Variants in SVOPL observed in about 807,000 individuals in gnomAD.
SVOPL encodes SVOP like, also known as putative transporter SVOPL.
A neutral mutation model predicts 61.0 loss-of-function variants in SVOPL; 60 were observed. That is an observed-to-expected ratio of 0.98 (90% CI 0.80 to 1.22). The LOEUF (loss-of-function observed/expected upper bound fraction) is 1.22. Among genes scored for constraint, SVOPL ranks in the 50% most tolerant of loss-of-function variants. The pLI is 0.00. For missense variants in SVOPL, 662 were observed against 643.9 expected (o/e 1.03, Z -0.30); for synonymous variants, 279 against 250.0 (o/e 1.12, Z -1.09).
At chr7:138,613,883 C>T (rs1407331928) in intron 14 of SVOPL, among the ~76,000 whole-genome samples, 1 of 152,118 alleles carries the variant, frequency 6.6e-6, no homozygotes, top group Non-Finnish European at 1.5e-5. Flanking sequence ...CTAATTTCAA[C>T]AATGTGACAT....
chr7:138,685,721 G>A (rs1039179976), intron 1 of SVOPL, among the ~76,000 whole-genome samples: 4 of 151,882 alleles, frequency 2.6e-5, no homozygotes, highest in East Asian at 1.9e-4. Context: ...TTAGCCAGGC[G>A]TGGTGGCGGG....
intron 1 of SVOPL, among the ~76,000 whole-genome samples, chr7:138,693,564 A>AGAAAAAAG (rs1554477082): frequency 0.015 from 1,380 of 91,288 alleles, 34 homozygotes; most frequent in African/African-American, 0.065. Flanking sequence ...AAAGAAAGAA[A>AGAAAAAAG]GAAAGAAAGA....
At chr7:138,660,060 G>A in intron 5 of SVOPL, 72 bp from the exon 6 acceptor site, 1 of 1,528,794 alleles carries the variant, frequency 6.5e-7, no homozygotes, top group Middle Eastern at 1.7e-4. Flanking sequence ...AACTTCTGAA[G>A]GCGATTTTCG....
intron 14 of SVOPL, among the ~76,000 whole-genome samples, chr7:138,620,762 C>T (rs539961254): frequency 1.6e-4 from 25 of 152,278 alleles, no homozygotes; most frequent in Admixed American, 1.2e-3. Flanking sequence ...CCAAGCTTCT[C>T]GTGTTAACCA....
chr7:138,617,722 G>C (rs1233599713), intron 14 of SVOPL, among the ~76,000 whole-genome samples: 1 of 152,148 alleles, frequency 6.6e-6, no homozygotes, highest in African/African-American at 2.4e-5. Flanking sequence ...TGTAGTCCCA[G>C]CTACTTGTGG....
At chr7:138,632,951 A>G (rs916213669) in intron 9 of SVOPL, among the ~76,000 whole-genome samples, 1 of 152,136 alleles carries the variant, frequency 6.6e-6, no homozygotes, top group African/African-American at 2.4e-5. Flanking sequence ...TGTTTACACT[A>G]TTGACAATCA....
rs1176416558 is a variant in SVOPL at position 138,682,975 on chromosome 7, AAAAAAAAG to A, written c.-34-3904_-34-3897del. 1.5e-3 allele frequency among the ~76,000 whole-genome samples: 225 copies of A among 151,330 alleles called. 1 individual carries two copies. Among genetic ancestry groups the A allele is most frequent in the African/African-American group, 5.2e-3 (214 of 41,166 alleles). On this transcript the variant is annotated intron_variant, in intron 1 of 15. Transcript: ENST00000674285. The stretch of plus-strand genomic sequence containing the variant: ...AAGAGCAAAACTCCATCTCAAAAAA[AAAAAAAAG>A]AAAAAAAAAAGAAAAACAGCAATGT...
chr7:138,658,879 C>T (rs1801872227), intron 6 of SVOPL, among the ~76,000 whole-genome samples: 1 of 151,474 alleles, frequency 6.6e-6, no homozygotes, highest in Non-Finnish European at 1.5e-5. Flanking sequence ...CCCCCCCGCC[C>T]CAACCCCAAC....
At chr7:138,626,108 T>A in intron 12 of SVOPL, 58 bp from the exon 13 acceptor site, 1 of 1,512,126 alleles carries the variant, frequency 6.6e-7, no homozygotes, top group Non-Finnish European at 9.1e-7. Context: ...CCACCTCCAG[T>A]GGCCCAGCTT....
intron 9 of SVOPL, among the ~76,000 whole-genome samples, chr7:138,636,983 C>T (rs544322199): frequency 6.6e-6 from 1 of 152,152 alleles, no homozygotes; most frequent in South Asian, 2.1e-4. Flanking sequence ...TCATATCATA[C>T]CAATAACAGA....
chr7:138,667,700 T>A (rs1369372002), intron 4 of SVOPL, among the ~76,000 whole-genome samples: 1 of 152,200 alleles, frequency 6.6e-6, no homozygotes, highest in Non-Finnish European at 1.5e-5. Flanking sequence ...CGGAAACCTC[T>A]GCTTCAAGCC....
chr7:138,619,203 T>C (rs945798878), intron 14 of SVOPL, among the ~76,000 whole-genome samples: 1 of 151,958 alleles, frequency 6.6e-6, no homozygotes, highest in Middle Eastern at 3.4e-3. Context: ...AACCCAGAAG[T>C]TGGAGGCCAG....
intron 14 of SVOPL, among the ~76,000 whole-genome samples, chr7:138,606,949 G>T (rs1035650950): frequency 8.7e-5 from 13 of 149,800 alleles, no homozygotes; most frequent in African/African-American, 3.2e-4. Context: ...GCTAGACTCT[G>T]TCTCAAGAAA....
At position 138,594,363 on chromosome 7, in the gene SVOPL, C is replaced by T; in HGVS notation, c.*247G>A. 1 of 297,292 alleles carries T rather than the reference C, an allele frequency of 3.4e-6. No homozygotes were observed. Among genetic ancestry groups the T allele is most frequent in the Non-Finnish European group, 6.2e-6 (1 of 162,394 alleles). The allele number at this position is 297,292 out of a possible 1,614,324, so 18.4% of individuals were successfully genotyped here. A position where few individuals can be genotyped will look rare whatever the true frequency, so the allele number is the denominator to read the frequency against. ...TGAAGAAAAGCCATCTTCCCCCCCA[C>T]CATCTCCCTCTCACACCCCTTTGAA... is the stretch of plus-strand genomic sequence containing the variant. On this transcript the variant is annotated 3_prime_UTR_variant, in exon 16 of 16. Coordinates refer to ENST00000674285, the MANE Select transcript of SVOPL (RefSeq NM_001139456.2).
intron 13 of SVOPL, among the ~76,000 whole-genome samples, chr7:138,622,142 C>G (rs1209878885): frequency 3.5e-4 from 27 of 77,036 alleles, no homozygotes; most frequent in South Asian, 8.1e-4. Context: ...ATCTATGTAT[C>G]TATCTATGTA....
rs1003279082 is a variant in SVOPL, at chr7:138,628,243, C to G, written c.984G>C (p.Gly328=). The change falls in exon 11 of 16, where the codon GGG becomes GGC. Residue 328 remains glycine, a synonymous_variant. Coordinates refer to ENST00000674285, the MANE Select transcript of SVOPL (RefSeq NM_001139456.2). ...GGCAGTAGCAGGGGCTCTGGCTCTCCCCTGAGTCCCCCCCAGTCACCACCA... is the reference window on the plus strand; with the variant it reads ...GGCAGTAGCAGGGGCTCTGGCTCTCGCCTGAGTCCCCCCCAGTCACCACCA... ...SAVVVTGGDS[G]ESQSPCYCHM... 21 of 1,614,092 alleles carry G rather than the reference C, an allele frequency of 1.3e-5. No individual in the cohort carries two copies. Among genetic ancestry groups the G allele is most frequent in the Non-Finnish European group, 1.7e-5 (20 of 1,180,054 alleles).
chr7:138,676,463 G>A (rs1034075414), intron 3 of SVOPL, among the ~76,000 whole-genome samples: 8 of 152,148 alleles, frequency 5.3e-5, no homozygotes, highest in Admixed American at 1.3e-4. Flanking sequence ...TGCGCTCACA[G>A]GGTGGAAAGG....
intron 13 of SVOPL, among the ~76,000 whole-genome samples, chr7:138,622,290 C>CTATCTATGTATG (rs1799699629): frequency 1.0e-4 from 11 of 106,654 alleles, no homozygotes; most frequent in African/African-American, 3.3e-4. Flanking sequence ...ATCTATCTAT[C>CTATCTATGTATG]TATCTATCTA....
chr7:138,606,094 G>A (rs562703821), intron 14 of SVOPL, among the ~76,000 whole-genome samples: 119 of 152,008 alleles, frequency 7.8e-4, no homozygotes, highest in African/African-American at 2.3e-3. Flanking sequence ...GGTAGGAGCC[G>A]GGAACACAAA....
Sources: gnomAD v4.1 joint callset for allele counts (sites outside exome capture counted in the v4.1 genomes callset) on GRCh38, gnomAD v4.1.1 for gene constraint, MANE v1.5 for transcripts, NCBI Gene and HGNC (gene_info 2026-07-23, HGNC 2026-07-21) for gene names.